Variants in HSF2BP observed in about 807,000 individuals in gnomAD.
HSF2BP encodes heat shock factor 2-binding protein.
A neutral mutation model predicts 35.0 loss-of-function variants in HSF2BP; 35 were observed. The ratio of observed to expected loss-of-function variants is 1.00; its 90% CI spans 0.76 to 1.32. HSF2BP has a LOEUF of 1.32. HSF2BP is among the 40% of genes most tolerant of loss of function. HSF2BP has a pLI of 0.00. For missense variants in HSF2BP, 326 were observed against 321.7 expected, an observed-to-expected ratio of 1.01 and a Z score of -0.10; for synonymous variants, 114 against 117.4, an observed-to-expected ratio of 0.97 and a Z score of 0.18.
intron 3 of HSF2BP, among the ~76,000 whole-genome samples, chr21:43,649,590 T>C (rs1209262205): frequency 6.6e-6 from 1 of 152,230 alleles, no homozygotes; most frequent in Non-Finnish European, 1.5e-5. Flanking sequence ...GTTAAAATTA[T>C]TTAACATTTT....
intron 8 of HSF2BP, among the ~76,000 whole-genome samples, chr21:43,577,346 G>GAA (rs1414664866): frequency 1.1e-4 from 16 of 152,278 alleles, no homozygotes; most frequent in African/African-American, 3.9e-4. Context: ...TATTACTACA[G>GAA]AAACAGTCAA....
At chr21:43,654,212 T>C (rs541128353) in intron 3 of HSF2BP, among the ~76,000 whole-genome samples, 1 of 152,302 alleles carries the variant, frequency 6.6e-6, no homozygotes, top group East Asian at 1.9e-4. Context: ...CCTTATTCTG[T>C]AAAATCCCAG....
intron 7 of HSF2BP, among the ~76,000 whole-genome samples, chr21:43,610,753 A>G (rs150580171): frequency 7.0e-4 from 106 of 152,334 alleles, no homozygotes; most frequent in African/African-American, 2.4e-3. Context: ...ATGGTGACCA[A>G]TTTGGCAGTA....
intron 5 of HSF2BP, among the ~76,000 whole-genome samples, chr21:43,631,791 C>T (rs996869728): frequency 2.0e-5 from 3 of 152,120 alleles, no homozygotes; most frequent in Non-Finnish European, 4.4e-5. Flanking sequence ...CCATTTCTAC[C>T]TATTCATCAA....
At chr21:43,614,381 T>G (rs1472150350) in intron 6 of HSF2BP, among the ~76,000 whole-genome samples, 1 of 146,054 alleles carries the variant, frequency 6.8e-6, no homozygotes, top group East Asian at 2.0e-4. Flanking sequence ...AAAAAAAAAA[T>G]TATCAACAAA....
intron 4 of HSF2BP, among the ~76,000 whole-genome samples, chr21:43,643,087 G>A (rs2147076462): frequency 6.6e-6 from 1 of 152,164 alleles, no homozygotes; most frequent in East Asian, 1.9e-4. Context: ...AATAGTTCTA[G>A]TTCTATGGAA....
chr21:43,622,504 CA>C (rs943018948), intron 6 of HSF2BP, among the ~76,000 whole-genome samples: 28 of 150,698 alleles, frequency 1.9e-4, no homozygotes, highest in African/African-American at 6.6e-4. Flanking sequence ...AACTGGAAAC[CA>C]AAAAAAACAG....
At chr21:43,620,707 A>G (rs2082321605) in intron 6 of HSF2BP, among the ~76,000 whole-genome samples, 1 of 151,712 alleles carries the variant, frequency 6.6e-6, no homozygotes, top group South Asian at 2.1e-4. Context: ...AAAAATCAAC[A>G]TCATCATCAT....
chr21:43,599,466 CA>C (rs1290820158), intron 7 of HSF2BP, among the ~76,000 whole-genome samples: 3 of 152,144 alleles, frequency 2.0e-5, no homozygotes, highest in African/African-American at 7.2e-5. Context: ...AGAGACTGCC[CA>C]TTCATTTTAC....
intron 4 of HSF2BP, among the ~76,000 whole-genome samples, chr21:43,635,001 T>C (rs1352670350): frequency 1.3e-5 from 2 of 152,140 alleles, no homozygotes; most frequent in Non-Finnish European, 2.9e-5. Flanking sequence ...AGGAAGGACT[T>C]TGCTCACTAC....
chr21:43,652,079 T>C (rs2082794593), intron 3 of HSF2BP, among the ~76,000 whole-genome samples: 1 of 152,196 alleles, frequency 6.6e-6, no homozygotes, highest in Admixed American at 6.5e-5. Flanking sequence ...CTGCCTGTAT[T>C]CATTCCTACC....
chr21:43,630,827 A>G (rs1354836611), intron 5 of HSF2BP, among the ~76,000 whole-genome samples: 1 of 152,228 alleles, frequency 6.6e-6, no homozygotes, highest in East Asian at 1.9e-4. Context: ...TTTCAAAAAA[A>G]AAAATCTTAA....
intron 7 of HSF2BP, among the ~76,000 whole-genome samples, chr21:43,605,270 C>A (rs950986279): frequency 6.7e-6 from 1 of 148,786 alleles, no homozygotes; most frequent in African/African-American, 2.5e-5. Flanking sequence ...TCACACACCA[C>A]AGATCACACA....
At chr21:43,634,447 T>C (rs779548328) in intron 4 of HSF2BP, among the ~76,000 whole-genome samples, 13 of 152,252 alleles carry the variant, frequency 8.5e-5, no homozygotes, top group Admixed American at 2.0e-4. Flanking sequence ...AATTCATTTA[T>C]ACCAAATGTA....
At chr21:43,586,751 T>C (rs1430370867) in intron 8 of HSF2BP, among the ~76,000 whole-genome samples, 1 of 152,060 alleles carries the variant, frequency 6.6e-6, no homozygotes, top group Non-Finnish European at 1.5e-5. Flanking sequence ...CAGAAATTGA[T>C]AAAAGTAGGA....
Position 43,658,134 on chromosome 21 carries a change from G to C in HSF2BP, c.-38C>G. The C allele has an allele frequency of 1.3e-6, 2 of 1,506,782 alleles. No individual in the cohort carries two copies. Among genetic ancestry groups the C allele is most frequent in the Non-Finnish European group, 1.8e-6 (2 of 1,131,174 alleles). The allele number at this position is 1,506,782 out of a possible 1,614,324, so 93.3% of individuals were successfully genotyped here. On this transcript the variant is annotated 5_prime_UTR_variant, in exon 2 of 9. Coordinates refer to ENST00000291560, the MANE Select transcript of HSF2BP (RefSeq NM_007031.2). ...CTCCGCTCCGTTCGCCTGAGCGTCG[G>C]CGCGCCCTCTGACCCCTCACGCCAG... is the stretch of plus-strand genomic sequence containing the variant.
chr21:43,591,327 TAC>T (rs1336958742), intron 8 of HSF2BP, among the ~76,000 whole-genome samples: 1 of 152,236 alleles, frequency 6.6e-6, no homozygotes, highest in African/African-American at 2.4e-5. Context: ...AATTTCTTTT[TAC>T]CCAAATTATT....
chr21:43,658,470 T>G, intron 1 of HSF2BP, 150 bp from the exon 2 acceptor site: 1 of 254,504 alleles, frequency 3.9e-6, no homozygotes, highest in Non-Finnish European at 7.6e-6. Flanking sequence ...CCGCGCGCCT[T>G]CCCTCGCTCG....
intron 4 of HSF2BP, among the ~76,000 whole-genome samples, chr21:43,642,459 C>T (rs2082649534): frequency 1.3e-5 from 2 of 152,182 alleles, no homozygotes; most frequent in Admixed American, 1.3e-4. Flanking sequence ...GATAAGGCAG[C>T]TGCTAGAAGA....
Sources: gnomAD v4.1 joint callset for allele counts (sites outside exome capture counted in the v4.1 genomes callset) on GRCh38, gnomAD v4.1.1 for gene constraint, MANE v1.5 for transcripts, NCBI Gene and HGNC (gene_info 2026-07-23, HGNC 2026-07-21) for gene names.